GLIS1: variants seen among roughly 807,000 people sequenced by gnomAD.
GLIS1 encodes GLIS family zinc finger 1.
A neutral mutation model predicts 63.8 loss-of-function variants in GLIS1; 24 were observed. The observed-to-expected ratio is 0.38, with a 90% confidence interval of 0.27 to 0.53. The LOEUF is 0.53. Among genes scored for constraint, GLIS1 ranks in the 20% least tolerant of loss-of-function variants. The pLI is 0.85. For missense variants in GLIS1, 1,036 were observed against 1,074.1 expected (o/e 0.96, Z 0.50); for synonymous variants, 450 against 482.5 (o/e 0.93, Z 0.88).
chr1:53,520,815 C>T, intron 6 of GLIS1, 49 bp from the exon 7 acceptor site: 2 of 1,543,502 alleles, frequency 1.3e-6, no homozygotes, highest in East Asian at 2.4e-5. Context: ...GACCCCTGCC[C>T]ACCAGCAACC....
At chr1:53,562,955 T>C (rs552631022) in intron 4 of GLIS1, among the ~76,000 whole-genome samples, 4 of 152,352 alleles carry the variant, frequency 2.6e-5, no homozygotes, top group Non-Finnish European at 5.9e-5. Context: ...ATTTCACAGA[T>C]GAGGAAACGG....
intron 4 of GLIS1, among the ~76,000 whole-genome samples, chr1:53,591,325 G>A (rs1401534867): frequency 6.6e-6 from 1 of 152,176 alleles, no homozygotes; most frequent in African/African-American, 2.4e-5. Flanking sequence ...GAGGCCAGGG[G>A]AGGCTCTGAC....
intron 4 of GLIS1, among the ~76,000 whole-genome samples, chr1:53,586,037 G>A (rs1448685664): frequency 2.0e-5 from 3 of 152,126 alleles, no homozygotes; most frequent in Non-Finnish European, 2.9e-5. Context: ...TCCTTCCCCA[G>A]GCAAGTTATT....
At chr1:53,533,837 C>G (rs1208265258) in intron 4 of GLIS1, among the ~76,000 whole-genome samples, 1 of 152,154 alleles carries the variant, frequency 6.6e-6, no homozygotes, top group African/African-American at 2.4e-5. Flanking sequence ...TGAGAGCGAC[C>G]ATCAGTTCAG....
intron 4 of GLIS1, among the ~76,000 whole-genome samples, chr1:53,581,647 G>C (rs538371699): frequency 9.3e-4 from 141 of 152,324 alleles, no homozygotes; most frequent in Non-Finnish European, 1.7e-3. Context: ...GAGGCAGTCA[G>C]GGAAGGCCTC....
chr1:53,690,262 A>T (rs1646387769), intron 2 of GLIS1, among the ~76,000 whole-genome samples: 1 of 152,258 alleles, frequency 6.6e-6, no homozygotes, highest in African/African-American at 2.4e-5. Context: ...CTTCAGGGCC[A>T]CAGGCAGGGA....
At chr1:53,670,328 G>A (rs934179245) in intron 2 of GLIS1, among the ~76,000 whole-genome samples, 22 of 152,140 alleles carry the variant, frequency 1.4e-4, no homozygotes, top group African/African-American at 5.3e-4. Context: ...TCCAAAAAGT[G>A]AGACTCCTCC....
chr1:53,599,342 C>A (rs1557473425), intron 3 of GLIS1, among the ~76,000 whole-genome samples: 1 of 152,168 alleles, frequency 6.6e-6, no homozygotes, highest in Admixed American at 6.5e-5. Flanking sequence ...GGGAGTGGGA[C>A]TGGTGCCTTT....
intron 2 of GLIS1, among the ~76,000 whole-genome samples, chr1:53,709,409 TATACACACACAC>T (rs1166714757): frequency 1.1e-4 from 1 of 9,160 alleles, no homozygotes; most frequent in Non-Finnish European, 5.4e-4. Context: ...TACATATATA[TATACACACACAC>T]ACACACACAC....
At chr1:53,666,750 A>C (rs1427924412) in intron 2 of GLIS1, among the ~76,000 whole-genome samples, 1 of 151,988 alleles carries the variant, frequency 6.6e-6, no homozygotes, top group Non-Finnish European at 1.5e-5. Context: ...CTACTCACCA[A>C]ATCCCTTCCC....
chr1:53,634,932 G>A (rs1335076344), intron 2 of GLIS1, among the ~76,000 whole-genome samples: 1 of 152,032 alleles, frequency 6.6e-6, no homozygotes, highest in Non-Finnish European at 1.5e-5. Flanking sequence ...CTGCTCCCTG[G>A]GATCACTTCC....
chr1:53,721,493 C>T (rs1487494603), intron 2 of GLIS1, among the ~76,000 whole-genome samples: 1 of 145,668 alleles, frequency 6.9e-6, no homozygotes, highest in Non-Finnish European at 1.5e-5. Context: ...GAAGAAAATG[C>T]CAAAAAAAAA....
intron 2 of GLIS1, among the ~76,000 whole-genome samples, chr1:53,678,035 G>A (rs564402587): frequency 3.3e-5 from 5 of 152,188 alleles, no homozygotes; most frequent in African/African-American, 9.6e-5. Context: ...CCCAAACGTG[G>A]GATTCCTCCA....
intron 4 of GLIS1, among the ~76,000 whole-genome samples, chr1:53,581,461 A>C (rs929814827): frequency 6.6e-6 from 1 of 152,210 alleles, no homozygotes; most frequent in Non-Finnish European, 1.5e-5. Context: ...TTATCTGTTG[A>C]TCACATATTG....
In GLIS1 at chr1:53,520,713, C is replaced by A; in HGVS notation, c.1647G>T (p.Leu549=). 1 of 1,606,282 alleles carries A rather than the reference C, an allele frequency of 6.2e-7. No individual in the cohort carries two copies. Among genetic ancestry groups the A allele is most frequent in the South Asian group, 1.1e-5 (1 of 89,360 alleles). The change falls in exon 7 of 11, where the codon CTG becomes CTT. Residue 549 remains leucine (L), a synonymous_variant. Transcript: ENST00000628545. ...GCTGTGTGGACGTGTGGAGCTGCTG[C>A]AGGACCAGACACTCGGTCAGGACGT... ...EADVLTECLV[L]QQLHTSTQLA...
chr1:53,550,790 C>A (rs1401340036), intron 4 of GLIS1, among the ~76,000 whole-genome samples: 4 of 152,114 alleles, frequency 2.6e-5, no homozygotes, highest in Non-Finnish European at 5.9e-5. Flanking sequence ...GGTGCTTCAT[C>A]CAAGACGAGG....
At chr1:53,662,254 G>A (rs894797318) in intron 2 of GLIS1, among the ~76,000 whole-genome samples, 3 of 152,238 alleles carry the variant, frequency 2.0e-5, no homozygotes, top group East Asian at 1.9e-4. Flanking sequence ...GAGGACACTC[G>A]GCAAAGCACT....
chr1:53,728,519 A>AGT, intron 2 of GLIS1, among the ~76,000 whole-genome samples: 1 of 152,332 alleles, frequency 6.6e-6, no homozygotes, highest in East Asian at 1.9e-4. Context: ...TCCCCAAGTT[A>AGT]GTACACAGAG....
intron 5 of GLIS1, among the ~76,000 whole-genome samples, chr1:53,528,581 TG>T (rs1350518809): frequency 6.6e-6 from 1 of 152,106 alleles, no homozygotes; most frequent in Non-Finnish European, 1.5e-5. Flanking sequence ...CCAAGAACAT[TG>T]CTTCCCTGCT....
Sources: gnomAD v4.1 joint callset for allele counts (sites outside exome capture counted in the v4.1 genomes callset) on GRCh38, gnomAD v4.1.1 for gene constraint, MANE v1.5 for transcripts, NCBI Gene and HGNC (gene_info 2026-07-23, HGNC 2026-07-21) for gene names.